LPP: variants seen among roughly 807,000 people sequenced by gnomAD.
The protein encoded by LPP is LIM domain containing preferred translocation partner in lipoma, also known as lipoma-preferred partner.
In LPP, 38 loss-of-function variants were observed where a neutral mutation model predicts 60.4. The observed-to-expected ratio is 0.63, with a 90% confidence interval of 0.49 to 0.83. LPP has a LOEUF of 0.83. Among genes scored for constraint, LPP ranks in the 40% least tolerant of loss-of-function variants. The probability of loss-of-function intolerance (pLI) is 0.00; values close to 1 mark genes in which losing one functional copy is unlikely to be tolerated. For missense variants in LPP, 902 were observed against 783.6 expected (o/e 1.15, Z -1.80); for synonymous variants, 328 against 290.8 (o/e 1.13, Z -1.30).
chr3:188,222,411 G>C (rs754370496), intron 1 of LPP, among the ~76,000 whole-genome samples: 1 of 152,140 alleles, frequency 6.6e-6, no homozygotes, highest in Non-Finnish European at 1.5e-5. Flanking sequence ...TGCAGGCTTT[G>C]TGCCATACGT....
At chr3:188,462,588 ATGTGTGTGTGTGTGTGTGTG>A (rs71169003) in intron 4 of LPP, among the ~76,000 whole-genome samples, 65 of 58,268 alleles carry the variant, frequency 1.1e-3, no homozygotes, top group African/African-American at 2.3e-3. Context: ...ATATATATGC[ATGTGTGTGTGTGTGTGTGTG>A]TGTGTGTGTG....
At chr3:188,367,327 G>A (rs1014820502) in intron 3 of LPP, among the ~76,000 whole-genome samples, 32 of 151,990 alleles carry the variant, frequency 2.1e-4, no homozygotes, top group Admixed American at 4.6e-4. Flanking sequence ...TTATAGAGTG[G>A]GTTATGGCTT....
chr3:188,868,946 A>G (rs1278644913), intron 10 of LPP, among the ~76,000 whole-genome samples: 1 of 152,232 alleles, frequency 6.6e-6, no homozygotes, highest in Non-Finnish European at 1.5e-5. Flanking sequence ...AGGAGGGCAG[A>G]GAAAGTGTGC....
At chr3:188,257,082 T>A (rs940773154) in intron 2 of LPP, among the ~76,000 whole-genome samples, 1 of 152,182 alleles carries the variant, frequency 6.6e-6, no homozygotes, top group African/African-American at 2.4e-5. Context: ...TGAAGCCTGA[T>A]CATGTGACCC....
chr3:188,667,974 T>C (rs1016464152), intron 7 of LPP, among the ~76,000 whole-genome samples: 1 of 151,994 alleles, frequency 6.6e-6, no homozygotes, highest in Non-Finnish European at 1.5e-5. Context: ...CTCGAGTCAT[T>C]CCATGCACTT....
At chr3:188,189,639 C>T (rs1236830268) in intron 1 of LPP, among the ~76,000 whole-genome samples, 1 of 151,934 alleles carries the variant, frequency 6.6e-6, no homozygotes, top group Non-Finnish European at 1.5e-5. Context: ...GGGTTCTGTC[C>T]CAAGTCCAAG....
chr3:188,873,762 A>G (rs190901290), intron 11 of LPP, among the ~76,000 whole-genome samples: 3 of 152,282 alleles, frequency 2.0e-5, no homozygotes, highest in East Asian at 1.9e-4. Flanking sequence ...GCTCTCCACA[A>G]TGCTGTCTCC....
At position 188,609,907 on chromosome 3, in the gene LPP, A is replaced by C; in HGVS notation, c.1113+63A>C. 6.7e-7 allele frequency: 1 copy of C among 1,489,766 alleles called. No homozygotes were observed. The highest frequency in any genetic ancestry group is 9.0e-7 in the Non-Finnish European group (1 of 1,106,284). 92.3% of individuals were successfully genotyped at this position (1,489,766 alleles called of 1,614,324 possible). On this transcript the variant is annotated intron_variant, in intron 7 of 11. Coordinates refer to ENST00000617246, the MANE Select transcript of LPP (RefSeq NM_001375462.1). This position sits in a 1 kb window ranked among gnomAD's most constrained non-coding sequence, Gnocchi z 6.9. ...GTGCCTATCTTAGTCTGCCTTCCCC[A>C]GGAAGCGAAGCCTAAGGCAAAAGTG...
chr3:188,753,814 C>A (rs567646960), intron 8 of LPP, among the ~76,000 whole-genome samples: 1 of 151,738 alleles, frequency 6.6e-6, no homozygotes, highest in African/African-American at 2.4e-5. Context: ...GAGGGAAAAA[C>A]AAGAGAGAGG....
intron 3 of LPP, among the ~76,000 whole-genome samples, chr3:188,345,275 C>G (rs1231378167): frequency 2.0e-5 from 3 of 152,138 alleles, no homozygotes; most frequent in African/African-American, 4.8e-5. Context: ...TAAATGGACT[C>G]CAGGTATCTT....
At chr3:188,624,811 T>C (rs926358516) in intron 7 of LPP, among the ~76,000 whole-genome samples, 109 of 45,570 alleles carry the variant, frequency 2.4e-3, no homozygotes, top group Non-Finnish European at 4.0e-3. Context: ...TCCTTCCTTC[T>C]CTCTCTTTCT....
chr3:188,165,499 C>T (rs1939678581), intron 1 of LPP, among the ~76,000 whole-genome samples: 1 of 152,084 alleles, frequency 6.6e-6, no homozygotes, highest in Admixed American at 6.6e-5. Context: ...AGGTGGACTG[C>T]ATAGTAGAGA....
intron 7 of LPP, among the ~76,000 whole-genome samples, chr3:188,617,387 G>A (rs1845054486): frequency 1.3e-5 from 2 of 152,138 alleles, no homozygotes; most frequent in South Asian, 2.1e-4. Flanking sequence ...TCAAGACAGA[G>A]GAGGTCAGAA....
chr3:188,370,499 A>G (rs1772722430), intron 3 of LPP, among the ~76,000 whole-genome samples: 1 of 152,148 alleles, frequency 6.6e-6, no homozygotes, highest in African/African-American at 2.4e-5. Flanking sequence ...AGTTGTTGTT[A>G]TCATTTAACT....
chr3:188,178,489 C>G (rs758202766), intron 1 of LPP: 1 of 152,218 alleles, frequency 6.6e-6, no homozygotes, highest in African/African-American at 2.4e-5. Flanking sequence ...CAAGAGGATA[C>G]GTTCTCATTC....
intron 9 of LPP, among the ~76,000 whole-genome samples, chr3:188,813,176 A>G (rs578096538): frequency 2.0e-5 from 3 of 152,308 alleles, no homozygotes; most frequent in African/African-American, 4.8e-5. Context: ...TTTGAATAAT[A>G]TAAATTGTAC....
At chr3:188,238,666 A>G (rs1722756805) in intron 2 of LPP, among the ~76,000 whole-genome samples, 1 of 152,116 alleles carries the variant, frequency 6.6e-6, no homozygotes, top group African/African-American at 2.4e-5. Context: ...CAAGTTTGCC[A>G]TCTCATATGG....
chr3:188,622,393 G>C (rs1336765357), intron 7 of LPP, among the ~76,000 whole-genome samples: 1 of 152,132 alleles, frequency 6.6e-6, no homozygotes, highest in Non-Finnish European at 1.5e-5. Flanking sequence ...CGTAGCACAT[G>C]AGCTGCTTAC....
At chr3:188,378,119 G>C (rs541638448) in intron 3 of LPP, among the ~76,000 whole-genome samples, 1 of 152,186 alleles carries the variant, frequency 6.6e-6, no homozygotes. Flanking sequence ...TGCCCCTACT[G>C]GGGGGTGCCT....
Sources: allele counts gnomAD v4.1 joint callset (sites outside exome capture counted in the v4.1 genomes callset), GRCh38; gene constraint gnomAD v4.1.1; non-coding constraint Gnocchi (gnomAD v3.1); transcripts MANE v1.5; gene names NCBI Gene and HGNC (gene_info 2026-07-23, HGNC 2026-07-21).